FGD3: variants seen among roughly 807,000 people sequenced by gnomAD.
FGD3 encodes the protein FYVE, RhoGEF and PH domain containing 3.
In FGD3, 45 loss-of-function variants were observed where a neutral mutation model predicts 71.8. The ratio of observed to expected loss-of-function variants is 0.63; its 90% confidence interval spans 0.49 to 0.80. The LOEUF (loss-of-function observed/expected upper bound fraction) is 0.80. Ranked by LOEUF, FGD3 falls within the 30% of genes least tolerant of loss-of-function variation. The pLI is 0.00. For missense variants in FGD3, 844 were observed against 951.5 expected (o/e 0.89, Z 1.49); for synonymous variants, 378 against 392.8 (o/e 0.96, Z 0.44).
chr9:92,980,081 G>C (rs1859928756), intron 3 of FGD3, among the ~76,000 whole-genome samples: 1 of 151,172 alleles, frequency 6.6e-6, no homozygotes, highest in Non-Finnish European at 1.5e-5. Flanking sequence ...CCAAGGTGGA[G>C]TATAGTGGTG....
intron 3 of FGD3, among the ~76,000 whole-genome samples, chr9:92,991,881 T>A (rs2118651191): frequency 6.6e-6 from 1 of 152,362 alleles, no homozygotes; most frequent in East Asian, 1.9e-4. Flanking sequence ...CCTGAATTAA[T>A]CCCTTTATTA....
intron 1 of FGD3, among the ~76,000 whole-genome samples, chr9:92,972,707 C>T (rs1457010028): frequency 6.6e-6 from 1 of 151,946 alleles, no homozygotes; most frequent in Non-Finnish European, 1.5e-5. Context: ...TTGTCCACCC[C>T]TTTTTGAGAC....
At chr9:92,965,316 G>C (rs773683855) in intron 1 of FGD3, among the ~76,000 whole-genome samples, 17 of 152,228 alleles carry the variant, frequency 1.1e-4, no homozygotes, top group East Asian at 3.8e-4. Context: ...GCGGATGCTG[G>C]TCAGCCATTC....
At chr9:92,983,456 C>G (rs1321568542) in intron 3 of FGD3, among the ~76,000 whole-genome samples, 1 of 151,240 alleles carries the variant, frequency 6.6e-6, no homozygotes, top group African/African-American at 2.4e-5. Context: ...ACCCGGGAGG[C>G]AGAGCTTTCA....
At chr9:92,955,466 C>G (rs1362100779) in intron 1 of FGD3, among the ~76,000 whole-genome samples, 1 of 152,076 alleles carries the variant, frequency 6.6e-6, no homozygotes, top group African/African-American at 2.4e-5. Flanking sequence ...GAGCAAAACT[C>G]CCTCTCAAAA....
chr9:93,033,346 C>A (rs1411194361), intron 16 of FGD3: 4 of 198,200 alleles, frequency 2.0e-5, no homozygotes, highest in African/African-American at 1.0e-4. Flanking sequence ...CCTCCCCGTC[C>A]CCTTCTCCTC....
At chr9:93,019,716 A>G (rs984029838) in intron 11 of FGD3, 115 bp from the exon 12 acceptor site, 5 of 1,000,098 alleles carry the variant, frequency 5.0e-6, no homozygotes, top group African/African-American at 4.8e-5. Flanking sequence ...CCAATCCTTG[A>G]GCTGCGTTGA....
At chr9:93,018,861 C>CT (rs1416432080) in intron 11 of FGD3, among the ~76,000 whole-genome samples, 3 of 151,902 alleles carry the variant, frequency 2.0e-5, no homozygotes, top group South Asian at 2.1e-4. Flanking sequence ...ATTTTCTTTT[C>CT]TTTTTTTTGA....
chr9:93,032,921 T>A, intron 16 of FGD3, 48 bp downstream of exon 16: 1 of 1,502,610 alleles, frequency 6.7e-7, no homozygotes, highest in Non-Finnish European at 9.3e-7. Context: ...CGGCAGAGCC[T>A]CCAGACACCT....
chr9:92,948,921 C>G (rs1465943143), intron 1 of FGD3, among the ~76,000 whole-genome samples: 1 of 152,202 alleles, frequency 6.6e-6, no homozygotes, highest in Admixed American at 6.5e-5. Context: ...TGGGATTGGG[C>G]TGTGTCCCAA....
chr9:93,012,693 GT>G lies in FGD3; in HGVS notation c.1036-1158del, dbSNP rs201977023. Among the ~76,000 whole-genome samples, 55 of 96,780 alleles carry G rather than the reference GT, an allele frequency of 5.7e-4. 1 individual carries two copies. Among genetic ancestry groups the G allele is most frequent in the East Asian group, 1.6e-3 (6 of 3,668 alleles). The allele number at this position is 96,780 out of a possible 152,430, so 63.5% of individuals were successfully genotyped here. ...CACCAGGTGTGGGCGGTGGCGGGGT[GT>G]GGGGGGGGGAAGAATCAATCTACAT... On this transcript the variant is annotated intron_variant, in intron 8 of 17. Transcript: ENST00000375482.
intron 14 of FGD3, among the ~76,000 whole-genome samples, chr9:93,028,995 GTTTTTTTTTTTTTTTTTTTTTTTTTTTT>G (rs869235976): frequency 1.9e-5 from 1 of 51,716 alleles, no homozygotes; most frequent in East Asian, 6.8e-4. Flanking sequence ...TGTCCTCACA[GTTTTTTTTTTTTTTTTTTTTTTTTTTTT>G]TTTTTTTTTT....
intron 14 of FGD3, among the ~76,000 whole-genome samples, chr9:93,028,006 A>T (rs926275309): frequency 5.9e-5 from 9 of 152,064 alleles, no homozygotes; most frequent in Non-Finnish European, 1.3e-4. Context: ...TGTGCGAGCC[A>T]CTGCGCCTGG....
chr9:93,001,574 T>C (rs1344863619), intron 3 of FGD3, among the ~76,000 whole-genome samples: 1 of 152,230 alleles, frequency 6.6e-6, no homozygotes, highest in African/African-American at 2.4e-5. Context: ...TGTCTCAGAT[T>C]CCGTTGACCC....
intron 1 of FGD3, among the ~76,000 whole-genome samples, chr9:92,961,582 T>C (rs1483788375): frequency 6.6e-6 from 1 of 152,186 alleles, no homozygotes; most frequent in African/African-American, 2.4e-5. Context: ...ATGATGAAAA[T>C]ACTACATCAC....
At chr9:93,004,172 C>T (rs1860962225) in intron 5 of FGD3, 35 bp downstream of exon 5, 1 of 1,609,996 alleles carries the variant, frequency 6.2e-7, no homozygotes, top group Non-Finnish European at 8.5e-7. Flanking sequence ...TGGGGCCCCT[C>T]AAGTGTTCTC....
chr9:92,968,431 A>C (rs1360397547), intron 1 of FGD3, among the ~76,000 whole-genome samples: 5 of 151,890 alleles, frequency 3.3e-5, no homozygotes, highest in East Asian at 1.9e-4. Flanking sequence ...ATTCAGGAGC[A>C]TGTAGCACCT....
At chr9:92,994,478 C>A (rs547529691) in intron 3 of FGD3, among the ~76,000 whole-genome samples, 2 of 152,260 alleles carry the variant, frequency 1.3e-5, no homozygotes, top group African/African-American at 4.8e-5. Context: ...TTAATTAGAT[C>A]CCATTTGTCA....
chr9:92,975,780 T>TGAG (rs138561005), intron 2 of FGD3, among the ~76,000 whole-genome samples: 1,526 of 151,300 alleles, frequency 0.01, 23 homozygotes, highest in African/African-American at 0.031. Context: ...CAGGCAGTGG[T>TGAG]GAGGAGGAGG....
Sources: gnomAD v4.1 joint callset for allele counts (sites outside exome capture counted in the v4.1 genomes callset) on GRCh38, gnomAD v4.1.1 for gene constraint, MANE v1.5 for transcripts, NCBI Gene and HGNC (gene_info 2026-07-23, HGNC 2026-07-21) for gene names.